Variants in MLLT10 observed in about 807,000 individuals in gnomAD.
MLLT10 encodes the protein protein AF-10.
Under a neutral mutation model 129.1 loss-of-function variants are expected in MLLT10, and 30 were observed. The observed-to-expected ratio is 0.23, with a 90% CI of 0.17 to 0.32. MLLT10 has a LOEUF of 0.32. Ranked by LOEUF, MLLT10 falls within the 10% of genes least tolerant of loss-of-function variation. The pLI is 1.00. For synonymous variants in MLLT10, 490 were observed against 446.4 expected (o/e 1.10, Z -1.23); for missense variants, 1,119 against 1,268.3 (o/e 0.88, Z 1.79).
rs2034459423 is a variant in MLLT10, at chr10:21,538,294, A to G, written c.161-539A>G. On this transcript the variant is annotated intron_variant, in intron 2 of 22. Transcript: ENST00000307729. ...ATTCTCCTGCCGCAGCCTCCTGAGT[A>G]GTAGGATTACAGGCATGTGCCACCA... is the stretch of plus-strand genomic sequence containing the variant. Among the ~76,000 whole-genome samples, 3 of 151,514 alleles carry G rather than the reference A, an allele frequency of 2.0e-5. No homozygotes were observed. The South Asian group carries it at 6.2e-4, about 32-fold the overall frequency.
At chr10:21,582,843 A>G (rs1417073270) in intron 3 of MLLT10, among the ~76,000 whole-genome samples, 1 of 152,220 alleles carries the variant, frequency 6.6e-6, no homozygotes, top group African/African-American at 2.4e-5. Context: ...AAGAGCAGGA[A>G]GAGCAGATTT....
At chr10:21,556,779 A>G (rs904691308) in intron 3 of MLLT10, 2 of 1,596,966 alleles carry the variant, frequency 1.3e-6, no homozygotes, top group Non-Finnish European at 1.7e-6. Context: ...GCTCTGATGC[A>G]TTGCTTTTGG....
At chr10:21,738,118 A>G (rs1392751741) in intron 21 of MLLT10, among the ~76,000 whole-genome samples, 1 of 151,938 alleles carries the variant, frequency 6.6e-6, no homozygotes, top group African/African-American at 2.4e-5. Context: ...AAATACAAAA[A>G]TTAGCCGGGT....
intron 14 of MLLT10, among the ~76,000 whole-genome samples, chr10:21,721,381 A>G (rs2057122476): frequency 6.6e-6 from 1 of 152,214 alleles, no homozygotes; most frequent in Non-Finnish European, 1.5e-5. Flanking sequence ...AACATTAGGC[A>G]GGAAAAAAAT....
chr10:21,539,167 T>TA (rs1371345405), intron 3 of MLLT10, among the ~76,000 whole-genome samples: 3 of 152,234 alleles, frequency 2.0e-5, no homozygotes, highest in Non-Finnish European at 4.4e-5. Flanking sequence ...GTTAACTAGT[T>TA]ACAGAATCAA....
intron 15 of MLLT10, among the ~76,000 whole-genome samples, chr10:21,727,428 A>AG (rs1411130524): frequency 2.0e-5 from 3 of 152,236 alleles, no homozygotes; most frequent in Admixed American, 1.3e-4. Flanking sequence ...CTCTATGTAA[A>AG]TGTGTTTTAT....
At chr10:21,600,104 T>TA (rs1483217089) in intron 5 of MLLT10, among the ~76,000 whole-genome samples, 1 of 152,194 alleles carries the variant, frequency 6.6e-6, no homozygotes, top group African/African-American at 2.4e-5. Flanking sequence ...ATTACTAAAT[T>TA]ATTGAATACT....
At chr10:21,587,447 A>T (rs2042095812) in intron 4 of MLLT10, among the ~76,000 whole-genome samples, 1 of 150,022 alleles carries the variant, frequency 6.7e-6, no homozygotes, top group South Asian at 2.1e-4. Context: ...AAAAAAAAAA[A>T]GCTGACTTCT....
At chr10:21,626,689 C>T (rs1421825002) in intron 8 of MLLT10, among the ~76,000 whole-genome samples, 2 of 152,224 alleles carry the variant, frequency 1.3e-5, no homozygotes, top group East Asian at 3.8e-4. Flanking sequence ...CTACTTTCTT[C>T]TGTGGCCCTC....
At chr10:21,647,718 C>G (rs941043698) in intron 8 of MLLT10, among the ~76,000 whole-genome samples, 1 of 151,432 alleles carries the variant, frequency 6.6e-6, no homozygotes, top group Non-Finnish European at 1.5e-5. Context: ...GGGGGATTGC[C>G]CAGTCATGTC....
intron 13 of MLLT10, among the ~76,000 whole-genome samples, chr10:21,705,743 A>T (rs2055428846): frequency 6.6e-6 from 1 of 152,162 alleles, no homozygotes; most frequent in African/African-American, 2.4e-5. Context: ...GCCCTAGGAC[A>T]GTGTGTAGCC....
intron 11 of MLLT10, among the ~76,000 whole-genome samples, chr10:21,679,778 C>A (rs763111761): frequency 7.2e-5 from 11 of 152,158 alleles, no homozygotes; most frequent in Non-Finnish European, 1.5e-4. Context: ...ATTATATATA[C>A]TTACCAGGTG....
At position 21,681,036 on chromosome 10, in the gene MLLT10, C is replaced by T. The variant is rs867876455; in HGVS notation, c.1622-296C>T. On this transcript the variant is annotated intron_variant, in intron 11 of 22. Coordinates refer to ENST00000307729, the MANE Select transcript of MLLT10 (RefSeq NM_001195626.3). ...TCTCCCATTAATGAAGCCTTTTATT[C>T]TCAGACACTTGTTATACAGATTCAT... Among the ~76,000 whole-genome samples the T allele has an allele frequency of 9.9e-5, 15 of 151,850 alleles. No homozygotes were observed. In the Middle Eastern group the frequency reaches 0.01, roughly 104 times the overall value.
At chr10:21,539,608 C>T (rs1384671039) in intron 3 of MLLT10, among the ~76,000 whole-genome samples, 1 of 151,666 alleles carries the variant, frequency 6.6e-6, no homozygotes, top group African/African-American at 2.4e-5. Context: ...CCCGTCTCTA[C>T]TACAAATACA....
chr10:21,614,438 C>T (rs558685665), intron 6 of MLLT10, among the ~76,000 whole-genome samples: 9 of 152,118 alleles, frequency 5.9e-5, no homozygotes, highest in Admixed American at 2.6e-4. Flanking sequence ...CACTTCGGCC[C>T]TTTAGAGGCA....
intron 5 of MLLT10, among the ~76,000 whole-genome samples, chr10:21,596,089 TA>T (rs2042993325): frequency 1.3e-5 from 2 of 152,106 alleles, no homozygotes; most frequent in Non-Finnish European, 2.9e-5. Flanking sequence ...TTTAAGATTT[TA>T]AATGTTTTTG....
At chr10:21,624,990 C>G in intron 8 of MLLT10, 1 of 1,130,350 alleles carries the variant, frequency 8.8e-7, no homozygotes, top group Non-Finnish European at 1.3e-6. Context: ...TCCTCCTCTT[C>G]CTCTTACTGC....
intron 3 of MLLT10, 68 bp downstream of exon 3, chr10:21,538,980 G>A (rs2034592259): frequency 8.9e-7 from 1 of 1,121,462 alleles, no homozygotes; most frequent in Non-Finnish European, 1.3e-6. Context: ...CTGCACTCCT[G>A]TTGTGGTTTG....
intron 5 of MLLT10, among the ~76,000 whole-genome samples, chr10:21,604,504 G>A (rs1361340107): frequency 1.3e-5 from 2 of 152,110 alleles, no homozygotes; most frequent in African/African-American, 2.4e-5. Flanking sequence ...GAGGAGAGTC[G>A]CTTGAAGCTG....
Sources: gnomAD v4.1 joint callset for allele counts (sites outside exome capture counted in the v4.1 genomes callset) on GRCh38, gnomAD v4.1.1 for gene constraint, MANE v1.5 for transcripts, NCBI Gene and HGNC (gene_info 2026-07-23, HGNC 2026-07-21) for gene names.